NCOA7: variants seen among roughly 807,000 people sequenced by gnomAD.
The protein encoded by NCOA7 is 140 kDa estrogen receptor-associated protein.
NCOA7 carries 45 observed loss-of-function variants against 104.3 expected under a neutral mutation model. The observed-to-expected ratio is 0.43, with a 90% confidence interval of 0.34 to 0.55. NCOA7 has a LOEUF of 0.55. Among genes scored for constraint, NCOA7 ranks in the 20% least tolerant of loss-of-function variants. The pLI is 0.02. For missense variants in NCOA7, 1,041 were observed against 1,119.7 expected (o/e 0.93, Z 1.00); for synonymous variants, 398 against 402.3 (o/e 0.99, Z 0.13).
chr6:125,804,266 T>A (rs566013285), intron 1 of NCOA7, among the ~76,000 whole-genome samples: 1 of 152,364 alleles, frequency 6.6e-6, no homozygotes, highest in Non-Finnish European at 1.5e-5. Flanking sequence ...AAACAAACTT[T>A]CTTTCCATGT....
At chr6:125,792,361 A>G (rs1325986360) in intron 1 of NCOA7, among the ~76,000 whole-genome samples, 2 of 152,206 alleles carry the variant, frequency 1.3e-5, no homozygotes, top group Non-Finnish European at 2.9e-5. Flanking sequence ...CCAACTCTTA[A>G]GTTCATTTCA....
chr6:125,833,888 T>G (rs999384971), intron 2 of NCOA7, among the ~76,000 whole-genome samples: 2 of 152,196 alleles, frequency 1.3e-5, no homozygotes, highest in Non-Finnish European at 2.9e-5. Flanking sequence ...AACACTAGCT[T>G]AAGTAAGGCC....
intron 1 of NCOA7, among the ~76,000 whole-genome samples, chr6:125,813,023 C>T (rs927989589): frequency 1.3e-5 from 2 of 152,168 alleles, no homozygotes; most frequent in Admixed American, 1.3e-4. Flanking sequence ...TTTAATGAAT[C>T]TACTTCACCC....
chr6:125,888,879 A>C (rs1241629497), intron 8 of NCOA7, 60 bp from the exon 9 acceptor site: 1 of 1,338,050 alleles, frequency 7.5e-7, no homozygotes, highest in African/African-American at 1.5e-5. Flanking sequence ...CCTTTCCTCC[A>C]TTTTGTTTTT....
intron 11 of NCOA7, among the ~76,000 whole-genome samples, chr6:125,920,038 C>T (rs1404983455): frequency 6.6e-6 from 1 of 152,174 alleles, no homozygotes; most frequent in African/African-American, 2.4e-5. Flanking sequence ...GAAAGTAATC[C>T]AGTGATTTAT....
At chr6:125,844,989 G>A (rs1202154364) in intron 2 of NCOA7, among the ~76,000 whole-genome samples, 3 of 152,126 alleles carry the variant, frequency 2.0e-5, no homozygotes. Context: ...CCCATTGGAG[G>A]CTATTATTTT....
rs567402436 is a variant in NCOA7 at position 125,851,580 on chromosome 6, C to T, written c.51-3440C>T. 2.9e-3 allele frequency among the ~76,000 whole-genome samples: 446 copies of T among 152,238 alleles called. 3 individuals are homozygous for T. Among genetic ancestry groups the T allele is most frequent in the Non-Finnish European group, 4.1e-3 (280 of 68,004 alleles). ...AACTTACACATGCAGGTATTGTTTT[C>T]GTATAATGACTGTTTTTCCTTTGGG... is the stretch of plus-strand genomic sequence containing the variant. On this transcript the variant is annotated intron_variant, in intron 2 of 15. Coordinates refer to ENST00000392477, the MANE Select transcript of NCOA7 (RefSeq NM_181782.5).
At position 125,815,335 on chromosome 6, in the gene NCOA7, T is replaced by G. The variant is rs776345126; in HGVS notation, c.-20T>G. The G allele has an allele frequency of 6.3e-7, 1 of 1,591,136 alleles. No homozygotes were observed. The highest frequency in any genetic ancestry group is 2.3e-5 in the East Asian group (1 of 44,334). On this transcript the variant is annotated 5_prime_UTR_variant, in exon 2 of 16. Coordinates refer to ENST00000392477, the MANE Select transcript of NCOA7 (RefSeq NM_181782.5). The stretch of plus-strand genomic sequence containing the variant: ...AAAAGAGGGACTTTTTCAAATACTT[T>G]GCACTTTTGATTGTGTATTATGGAT...
At chr6:125,846,589 T>G (rs1237006582) in intron 2 of NCOA7, among the ~76,000 whole-genome samples, 1 of 152,190 alleles carries the variant, frequency 6.6e-6, no homozygotes, top group Non-Finnish European at 1.5e-5. Context: ...TTTCTGTGAG[T>G]GCACAATCCA....
rs1416222206 is a variant in NCOA7 at position 125,915,396 on chromosome 6, A to T, written c.2160A>T (p.Lys720Asn). The change falls in exon 11 of 16, where the codon AAA (lysine) becomes AAT (asparagine). Residue 720 changes from lysine (K) to asparagine (N), a missense_variant. Physicochemically the swap from Lys to Asn is moderately conservative, Grantham distance 94. Around this residue, in one of 2 missense-constraint regions of NCOA7, gnomAD observed 914 missense variants for 942.7 expected, o/e 0.97. Coordinates refer to ENST00000392477, the MANE Select transcript of NCOA7 (RefSeq NM_181782.5). The part of the protein sequence containing the change: ...WSPDVYGKDA[K>N]EQGFVVVEKE... ...CCGATGTCTATGGAAAAGATGCCAA[A>T]GAGCAAGGCTTTGTGGTGGTGGAGA... 1 of 1,613,974 alleles carries T rather than the reference A, an allele frequency of 6.2e-7. No homozygotes were observed.
At chr6:125,879,611 G>C (rs1583447424) in intron 5 of NCOA7, among the ~76,000 whole-genome samples, 1 of 152,158 alleles carries the variant, frequency 6.6e-6, no homozygotes, top group East Asian at 1.9e-4. Flanking sequence ...TGACTGGAAA[G>C]ATAGGAGACA....
Position 125,931,870 on chromosome 6 carries a change from G to A in NCOA7, c.*3099G>A, listed in dbSNP as rs565620989. 1.3e-5 allele frequency: 2 copies of A among 152,248 alleles called. No homozygotes were observed. Among genetic ancestry groups the A allele is most frequent in the Admixed American group, 6.5e-5 (1 of 15,282 alleles). The allele number at this position is 152,248 out of a possible 1,614,324, so 9.4% of individuals were successfully genotyped here. On this transcript the variant is annotated 3_prime_UTR_variant, in exon 16 of 16. Coordinates refer to ENST00000392477, the MANE Select transcript of NCOA7 (RefSeq NM_181782.5). ...CATGATAGTGAGGGAGTTTTCATGAGATCTGTTTTAAAATGTTTGGCAGTT... is the reference window on the plus strand; with the variant it reads ...CATGATAGTGAGGGAGTTTTCATGAAATCTGTTTTAAAATGTTTGGCAGTT...
intron 2 of NCOA7, among the ~76,000 whole-genome samples, chr6:125,826,487 T>C (rs534936945): frequency 6.6e-6 from 1 of 152,286 alleles, no homozygotes; most frequent in South Asian, 2.1e-4. Flanking sequence ...TTTTGAATAA[T>C]GACCATTTTG....
intron 1 of NCOA7, among the ~76,000 whole-genome samples, chr6:125,803,292 G>A (rs1397553333): frequency 6.6e-6 from 1 of 152,048 alleles, no homozygotes; most frequent in Non-Finnish European, 1.5e-5. Flanking sequence ...CGTTTTATTT[G>A]GCATAACTTT....
At chr6:125,840,867 G>GTTTTTTTTTTT (rs1305583308) in intron 2 of NCOA7, among the ~76,000 whole-genome samples, 4 of 50,676 alleles carry the variant, frequency 7.9e-5, no homozygotes, top group Non-Finnish European at 7.6e-5. Flanking sequence ...TTGTTTGGTT[G>GTTTTTTTTTTT]GTTTTTTTTT....
At chr6:125,794,755 A>G (rs568738503) in intron 1 of NCOA7, among the ~76,000 whole-genome samples, 2 of 152,364 alleles carry the variant, frequency 1.3e-5, no homozygotes, top group South Asian at 4.1e-4. Context: ...AAACTCTTAC[A>G]TTTATATTCA....
At chr6:125,834,708 T>C (rs1779471948) in intron 2 of NCOA7, among the ~76,000 whole-genome samples, 1 of 152,166 alleles carries the variant, frequency 6.6e-6, no homozygotes. Flanking sequence ...GTAGAGTTGA[T>C]TTGAGCCAAA....
chr6:125,908,423 G>A (rs1386277061), intron 10 of NCOA7, among the ~76,000 whole-genome samples: 1 of 152,110 alleles, frequency 6.6e-6, no homozygotes, highest in Non-Finnish European at 1.5e-5. Context: ...GGCAAGACCC[G>A]ACCACTTCTC....
Position 125,915,354 on chromosome 6 carries a change from C to G in NCOA7, c.2118C>G (p.Phe706Leu). Residue 706 changes from phenylalanine (F) to leucine (L), a missense_variant, in exon 11 of 16, where the codon TTC becomes TTG. By Grantham distance (22) the Phe-to-Leu change is conservative. Coordinates refer to ENST00000392477, the MANE Select transcript of NCOA7 (RefSeq NM_181782.5). ...TCAGGGTGGATCATTTGTACACATT[C>G]TTTGTTCAGTGGTCTCCCGATGTCT... ...PRERVDHLYT[F>L]FVQWSPDVYG... is the part of the protein sequence containing the mutation. 6.2e-7 allele frequency: 1 copy of G among 1,613,800 alleles called. No homozygotes were observed. The highest frequency in any genetic ancestry group is 8.5e-7 in the Non-Finnish European group (1 of 1,179,750).
Sources: gnomAD v4.1 joint callset for allele counts (sites outside exome capture counted in the v4.1 genomes callset) on GRCh38, gnomAD v4.1.1 for gene constraint, gnomAD v4.1.1 regional missense constraint, MANE v1.5 for transcripts, NCBI Gene and HGNC (gene_info 2026-07-23, HGNC 2026-07-21) for gene names.